PPA2: variants seen among roughly 807,000 people sequenced by gnomAD.
PPA2 encodes the protein inorganic pyrophosphatase 2.
PPA2 carries 48 observed loss-of-function variants against 49.5 expected under a neutral mutation model. That is an observed-to-expected ratio of 0.97 (90% CI 0.77 to 1.23). The LOEUF (loss-of-function observed/expected upper bound fraction) is 1.23, where lower values mean the gene tolerates loss of function less well. PPA2 is among the 50% of genes most tolerant of loss of function. The probability of loss-of-function intolerance (pLI) is 0.00; values close to 1 mark genes in which losing one functional copy is unlikely to be tolerated. For missense variants in PPA2, 429 were observed against 410.1 expected (o/e 1.05, Z -0.40); for synonymous variants, 131 against 139.9 (o/e 0.94, Z 0.45).
chr4:105,436,238 A>G (rs1724048986), intron 6 of PPA2, among the ~76,000 whole-genome samples: 1 of 152,068 alleles, frequency 6.6e-6, no homozygotes, highest in South Asian at 2.1e-4. Flanking sequence ...ACACACACAC[A>G]CACACCCCGC....
chr4:105,386,480 A>G (rs946098404), intron 10 of PPA2, 87 bp downstream of exon 10: 10 of 1,245,724 alleles, frequency 8.0e-6, no homozygotes, highest in South Asian at 1.4e-5. Context: ...GACTTGACAC[A>G]TTTCATTGCT....
intron 1 of PPA2, among the ~76,000 whole-genome samples, chr4:105,470,232 C>T (rs2110335267): frequency 6.6e-6 from 1 of 152,346 alleles, no homozygotes; most frequent in East Asian, 1.9e-4. Context: ...GGAATACTGG[C>T]ATGCAGCATT....
At chr4:105,428,236 T>C (rs113144516) in intron 6 of PPA2, among the ~76,000 whole-genome samples, 3,105 of 152,274 alleles carry the variant, frequency 0.02, 48 homozygotes, top group Middle Eastern at 0.061. Flanking sequence ...TACCAACCAC[T>C]GCAAAGACAC....
Position 105,453,647 on chromosome 4 carries a change from A to G in PPA2, c.223-5T>C, listed in dbSNP as rs1722758277. ...CTTCATAGGAATGCCATTTTCCTAT[A>G]AAAGAAAAGATGGTGAAAGACTGCA... is the stretch of plus-strand genomic sequence containing the variant. On this transcript the variant is annotated splice_region_variant and splice_polypyrimidine_tract_variant and intron_variant, in intron 2 of 11. Transcript: ENST00000341695. The G allele has an allele frequency of 1.2e-6, 2 of 1,603,886 alleles. No homozygotes were observed. The highest frequency in any genetic ancestry group is 1.7e-6 in the Non-Finnish European group (2 of 1,174,036).
intron 7 of PPA2, among the ~76,000 whole-genome samples, chr4:105,414,475 T>C (rs1317916132): frequency 2.0e-5 from 3 of 151,910 alleles, no homozygotes; most frequent in Non-Finnish European, 4.4e-5. Flanking sequence ...AGGTATGGAG[T>C]GGCAAAGGGC....
intron 6 of PPA2, among the ~76,000 whole-genome samples, chr4:105,436,079 T>C (rs1220587506): frequency 6.6e-6 from 1 of 152,074 alleles, no homozygotes; most frequent in Non-Finnish European, 1.5e-5. Context: ...TCCAAAAGAC[T>C]CCTAGACTTG....
At chr4:105,400,112 T>A (rs1734300253) in intron 7 of PPA2, among the ~76,000 whole-genome samples, 1 of 152,276 alleles carries the variant, frequency 6.6e-6, no homozygotes, top group South Asian at 2.1e-4. Context: ...ACGAGAGTAG[T>A]GGTGCTGGTA....
At chr4:105,448,188 A>G in intron 4 of PPA2, 1 of 254,320 alleles carries the variant, frequency 3.9e-6, no homozygotes, top group South Asian at 3.8e-5. Context: ...TCCTCCACCT[A>G]ACTGAGGTAG....
chr4:105,383,869 C>T (rs1733586953), intron 10 of PPA2, among the ~76,000 whole-genome samples: 1 of 148,058 alleles, frequency 6.8e-6, no homozygotes, highest in Non-Finnish European at 1.5e-5. Context: ...TGAATGACTT[C>T]TGTGTCTTCA....
chr4:105,424,573 CT>C (rs1388144743), intron 6 of PPA2, among the ~76,000 whole-genome samples: 1 of 152,120 alleles, frequency 6.6e-6, no homozygotes, highest in African/African-American at 2.4e-5. Flanking sequence ...TTGCAAACAA[CT>C]AAAAAACTGG....
chr4:105,456,876 A>C (rs1249215003), intron 1 of PPA2, 131 bp from the exon 2 acceptor site: 1 of 609,954 alleles, frequency 1.6e-6, no homozygotes, highest in Non-Finnish European at 2.6e-6. Context: ...TTAACTCCCA[A>C]CTTAAAGTTA....
intron 7 of PPA2, among the ~76,000 whole-genome samples, chr4:105,399,943 T>C (rs1734291998): frequency 6.6e-6 from 1 of 152,192 alleles, no homozygotes; most frequent in Non-Finnish European, 1.5e-5. Context: ...CTCCATCCTG[T>C]CCAAGACATG....
intron 1 of PPA2, among the ~76,000 whole-genome samples, chr4:105,471,796 C>T (rs995099209): frequency 6.6e-6 from 1 of 151,922 alleles, no homozygotes; most frequent in African/African-American, 2.4e-5. Flanking sequence ...AATTGTTTAA[C>T]CAACACACCT....
rs761301843 is a variant in PPA2, at chr4:105,446,440, A to G, written c.384T>C (p.Tyr128=). The change falls in exon 5 of 12, where the codon TAT becomes TAC. Residue 128 remains tyrosine (Y), a synonymous_variant. Transcript: ENST00000341695. ...KQYVKDGKLR[Y]VANIFPYKGY... is the part of the protein sequence containing the mutation. ...CCTTGTAAGGGAAGATATTCGCCAC[A>G]TAGCGTAGCTTTCCATCCTTTACAT... 1 of 1,606,680 alleles carries G rather than the reference A, an allele frequency of 6.2e-7. No individual in the cohort carries two copies. The highest frequency in any genetic ancestry group is 2.3e-5 in the East Asian group (1 of 44,358).
chr4:105,394,999 A>G (rs1734078466), intron 9 of PPA2, among the ~76,000 whole-genome samples: 2 of 152,160 alleles, frequency 1.3e-5, no homozygotes, highest in African/African-American at 4.8e-5. Flanking sequence ...ACTAGAGGAC[A>G]TTCAATCATA....
intron 7 of PPA2, among the ~76,000 whole-genome samples, chr4:105,420,741 A>T (rs1053775698): frequency 6.6e-6 from 1 of 152,230 alleles, no homozygotes; most frequent in Non-Finnish European, 1.5e-5. Context: ...ATGAAAAGGG[A>T]AAACTAAAGA....
At chr4:105,427,764 G>A (rs931731715) in intron 6 of PPA2, among the ~76,000 whole-genome samples, 6 of 152,238 alleles carry the variant, frequency 3.9e-5, no homozygotes, top group African/African-American at 1.2e-4. Context: ...AACCAAGTGA[G>A]AAATCACTCT....
intron 10 of PPA2, among the ~76,000 whole-genome samples, chr4:105,380,611 C>A (rs1733449243): frequency 6.6e-6 from 1 of 152,076 alleles, no homozygotes; most frequent in African/African-American, 2.4e-5. Context: ...AAGTCTTTCT[C>A]CCTATTTATT....
In PPA2 at chr4:105,456,741, A is replaced by C; in HGVS notation, c.162T>G (p.Asn54Lys). 1 of 1,603,782 alleles carries C rather than the reference A, an allele frequency of 6.2e-7. No individual in the cohort carries two copies. The highest frequency in any genetic ancestry group is 1.1e-5 in the South Asian group (1 of 90,100). Residue 54 changes from asparagine to lysine, a missense_variant, in exon 2 of 12, where the codon AAT becomes AAG. Coordinates refer to ENST00000341695, the MANE Select transcript of PPA2 (RefSeq NM_176869.3). ...AGGGGGAAATGTAGTGACCAGTTAC[A>C]TTCTCTGCAAAGACACAAACAAACA... is the stretch of plus-strand genomic sequence containing the variant. ...CSQNYRLFFK[N>K]VTGHYISPFH...
Sources: gnomAD v4.1 joint callset for allele counts (sites outside exome capture counted in the v4.1 genomes callset) on GRCh38, gnomAD v4.1.1 for gene constraint, MANE v1.5 for transcripts, NCBI Gene and HGNC (gene_info 2026-07-23, HGNC 2026-07-21) for gene names.